Variants in PIP4K2A observed in about 807,000 individuals in gnomAD.
The protein encoded by PIP4K2A is phosphatidylinositol 5-phosphate 4-kinase type-2 alpha.
In PIP4K2A, 14 loss-of-function variants were observed where a neutral mutation model predicts 42.9. The ratio of observed to expected loss-of-function variants is 0.33; its 90% CI spans 0.22 to 0.51. The LOEUF (loss-of-function observed/expected upper bound fraction) is 0.51, where lower values mean the gene tolerates loss of function less well. Among genes scored for constraint, PIP4K2A ranks in the 20% least tolerant of loss-of-function variants. PIP4K2A has a pLI of 0.97. For synonymous variants in PIP4K2A, 192 were observed against 192.2 expected (o/e 1.00, Z 0.01); for missense variants, 434 against 519.8 (o/e 0.83, Z 1.61).
At chr10:22,701,900 G>A (rs1339601928) in intron 1 of PIP4K2A, among the ~76,000 whole-genome samples, 1 of 152,112 alleles carries the variant, frequency 6.6e-6, no homozygotes, top group Non-Finnish European at 1.5e-5. Flanking sequence ...CAAAGACTAG[G>A]GCCCACCCAA....
intron 7 of PIP4K2A, among the ~76,000 whole-genome samples, chr10:22,545,662 C>T (rs962218910): frequency 1.3e-5 from 2 of 152,206 alleles, no homozygotes; most frequent in Non-Finnish European, 2.9e-5. Context: ...TCTGAGGCAC[C>T]CAAGAAGACT....
intron 1 of PIP4K2A, among the ~76,000 whole-genome samples, chr10:22,686,745 T>C (rs1839772117): frequency 6.6e-6 from 1 of 152,190 alleles, no homozygotes; most frequent in African/African-American, 2.4e-5. Context: ...AATGGGATTA[T>C]AGGTGTGAGC....
At chr10:22,594,107 A>G (rs1206501545) in intron 3 of PIP4K2A, among the ~76,000 whole-genome samples, 1 of 152,190 alleles carries the variant, frequency 6.6e-6, no homozygotes, top group Non-Finnish European at 1.5e-5. Flanking sequence ...TTTCAGAAGT[A>G]GATGCTGCTG....
intron 6 of PIP4K2A, among the ~76,000 whole-genome samples, chr10:22,561,921 T>C (rs74121806): frequency 7.8e-4 from 119 of 152,274 alleles, no homozygotes; most frequent in African/African-American, 2.8e-3. Flanking sequence ...AATATAGTTA[T>C]ATATAATAGC....
At chr10:22,669,629 T>C (rs1839411481) in intron 1 of PIP4K2A, among the ~76,000 whole-genome samples, 2 of 152,130 alleles carry the variant, frequency 1.3e-5, no homozygotes, top group African/African-American at 2.4e-5. Context: ...ACCGGGTTTA[T>C]TGCGGGCGTG....
At chr10:22,630,964 T>C (rs574691045) in intron 1 of PIP4K2A, among the ~76,000 whole-genome samples, 2 of 152,206 alleles carry the variant, frequency 1.3e-5, no homozygotes, top group East Asian at 3.9e-4. Flanking sequence ...GACAGGAACA[T>C]GGCAACAGGG....
chr10:22,585,113 C>A (rs980404055), intron 4 of PIP4K2A, among the ~76,000 whole-genome samples: 1 of 152,170 alleles, frequency 6.6e-6, no homozygotes, highest in Admixed American at 6.5e-5. Context: ...TGCTATAACC[C>A]TCTCCACTCT....
intron 4 of PIP4K2A, among the ~76,000 whole-genome samples, chr10:22,589,252 A>G (rs571476242): frequency 1.3e-5 from 2 of 152,358 alleles, no homozygotes; most frequent in Admixed American, 6.5e-5. Flanking sequence ...CATAAGTATG[A>G]TATCAATTTC....
At chr10:22,658,422 G>A (rs1839142791) in intron 1 of PIP4K2A, among the ~76,000 whole-genome samples, 1 of 152,212 alleles carries the variant, frequency 6.6e-6, no homozygotes. Context: ...GTATATTAAT[G>A]TTTCATATAA....
intron 6 of PIP4K2A, among the ~76,000 whole-genome samples, chr10:22,558,694 A>G (rs1211433887): frequency 1.3e-5 from 2 of 152,226 alleles, no homozygotes; most frequent in African/African-American, 4.8e-5. Context: ...CAGTGAAAAC[A>G]GTGAGAATGT....
At chr10:22,600,047 T>C (rs1005098109) in intron 3 of PIP4K2A, among the ~76,000 whole-genome samples, 3 of 152,222 alleles carry the variant, frequency 2.0e-5, no homozygotes, top group Non-Finnish European at 4.4e-5. Context: ...TAAATGTCAA[T>C]TTAATTAGCT....
rs1441148572 is a variant in PIP4K2A, at chr10:22,640,009, GTTGTCTTTTTT to G, written c.145-30303_145-30293del. ...ATCAATCCAATAGATGCATGGATGT[GTTGTCTTTTTT>G]TTTTTTTTTTTTTTTTTTTTTTAAG... On this transcript the variant is annotated intron_variant, in intron 1 of 9. Transcript: ENST00000376573. Among the ~76,000 whole-genome samples, 89 of 104,440 alleles carry G rather than the reference GTTGTCTTTTTT, an allele frequency of 8.5e-4. 1 individual carries two copies. Among genetic ancestry groups the G allele is most frequent in the African/African-American group, 3.2e-3 (87 of 26,870 alleles). 68.5% of individuals were successfully genotyped at this position (104,440 alleles called of 152,430 possible). A position where few individuals can be genotyped will look rare whatever the true frequency, so the allele number is the denominator to read the frequency against.
chr10:22,541,097 G>C lies in PIP4K2A; in HGVS notation c.1036+707C>G, dbSNP rs1836099077. On this transcript the variant is annotated intron_variant, in intron 8 of 9. Coordinates refer to ENST00000376573, the MANE Select transcript of PIP4K2A (RefSeq NM_005028.5). ...AATATTTTGGTATTGTCACGGATAA[G>C]TTGCTAAGGTAGGATGTAATATTCA... Among the ~76,000 whole-genome samples the C allele has an allele frequency of 2.0e-5, 3 of 152,232 alleles. No individual in the cohort carries two copies. The South Asian group carries it at 6.2e-4, about 31-fold the overall frequency.
intron 8 of PIP4K2A, among the ~76,000 whole-genome samples, chr10:22,540,339 T>C (rs1184778286): frequency 6.6e-6 from 1 of 151,786 alleles, no homozygotes; most frequent in Non-Finnish European, 1.5e-5. Context: ...GTATCAACAG[T>C]GGAGATCCAA....
At chr10:22,564,816 C>T (rs1043422519) in intron 6 of PIP4K2A, among the ~76,000 whole-genome samples, 1 of 152,228 alleles carries the variant, frequency 6.6e-6, no homozygotes, top group Admixed American at 6.5e-5. Context: ...TGGCTTTGGT[C>T]CCCACTCGCC....
intron 4 of PIP4K2A, among the ~76,000 whole-genome samples, chr10:22,580,575 C>T (rs1329756836): frequency 1.3e-5 from 2 of 149,512 alleles, no homozygotes; most frequent in Middle Eastern, 3.4e-3. Context: ...TTATTTGACC[C>T]GGTCATTCTC....
At chr10:22,589,655 G>A (rs1027656204) in intron 4 of PIP4K2A, among the ~76,000 whole-genome samples, 1 of 152,196 alleles carries the variant, frequency 6.6e-6, no homozygotes, top group Non-Finnish European at 1.5e-5. Flanking sequence ...CATGATATTA[G>A]AGCATCATGC....
At chr10:22,565,004 C>T (rs770242348) in intron 6 of PIP4K2A, among the ~76,000 whole-genome samples, 1 of 152,198 alleles carries the variant, frequency 6.6e-6, no homozygotes, top group African/African-American at 2.4e-5. Context: ...CCTAGTTCCA[C>T]GAAGCAGTTC....
At chr10:22,699,376 C>T (rs968015410) in intron 1 of PIP4K2A, among the ~76,000 whole-genome samples, 1 of 151,854 alleles carries the variant, frequency 6.6e-6, no homozygotes, top group African/African-American at 2.4e-5. Context: ...AGACAGGGGA[C>T]CCCTGAGAAG....
Sources: allele counts gnomAD v4.1 joint callset (sites outside exome capture counted in the v4.1 genomes callset), GRCh38; gene constraint gnomAD v4.1.1; transcripts MANE v1.5; gene names NCBI Gene and HGNC (gene_info 2026-07-23, HGNC 2026-07-21).